The following MKLN1 variants were observed in gnomAD, a reference collection of about 807,000 sequenced individuals.
MKLN1 encodes muskelin.
In MKLN1, 18 loss-of-function variants were observed where a neutral mutation model predicts 99.0. The ratio of observed to expected loss-of-function variants is 0.18; its 90% CI spans 0.13 to 0.27. The LOEUF (loss-of-function observed/expected upper bound fraction) is 0.27, where lower values mean the gene tolerates loss of function less well. MKLN1 is among the 10% of genes least tolerant of loss of function. MKLN1 has a pLI of 1.00. For missense variants in MKLN1, 621 were observed against 875.9 expected (o/e 0.71, Z 3.67); for synonymous variants, 288 against 293.2 (o/e 0.98, Z 0.18).
chr7:131,207,508 T>C (rs1245129669), intron 3 of MKLN1, among the ~76,000 whole-genome samples: 1 of 152,216 alleles, frequency 6.6e-6, no homozygotes, highest in Non-Finnish European at 1.5e-5. Context: ...ATGTGTGTTA[T>C]TTATGGGCAG....
intron 1 of MKLN1, among the ~76,000 whole-genome samples, chr7:131,128,896 ATTTTTTTTT>A (rs59954758): frequency 3.3e-5 from 4 of 120,214 alleles, no homozygotes; most frequent in African/African-American, 1.0e-4. Context: ...CACCTCACCT[ATTTTTTTTT>A]TTTTTTTTTT....
chr7:131,364,545 G>A (rs1277404971), intron 1 of MKLN1, among the ~76,000 whole-genome samples: 1 of 151,762 alleles, frequency 6.6e-6, no homozygotes, highest in African/African-American at 2.4e-5. Flanking sequence ...ATGGGGGCTT[G>A]TTGTACAGAT....
intron 1 of MKLN1, among the ~76,000 whole-genome samples, chr7:131,367,294 C>T (rs1563313930): frequency 6.6e-6 from 1 of 152,174 alleles, no homozygotes. Context: ...CAGCCCAACT[C>T]TATTTTCAAT....
intron 3 of MKLN1, among the ~76,000 whole-genome samples, chr7:131,209,863 T>C (rs972395342): frequency 1.3e-5 from 2 of 152,110 alleles, no homozygotes; most frequent in African/African-American, 2.4e-5. Context: ...ATCGCAATAG[T>C]TGGACCTATG....
intron 1 of MKLN1, among the ~76,000 whole-genome samples, chr7:131,328,816 G>T (rs939455808): frequency 6.6e-6 from 1 of 152,166 alleles, no homozygotes; most frequent in African/African-American, 2.4e-5. Context: ...TGCATTGTTA[G>T]GTTTTTGTTG....
intron 3 of MKLN1, among the ~76,000 whole-genome samples, chr7:131,276,419 C>T (rs947158866): frequency 6.6e-6 from 1 of 152,174 alleles, no homozygotes; most frequent in Admixed American, 6.5e-5. Flanking sequence ...GATGGGAAAG[C>T]ACAGCAAGTG....
At chr7:131,116,578 A>T (rs899796751) in intron 1 of MKLN1, among the ~76,000 whole-genome samples, 12 of 152,052 alleles carry the variant, frequency 7.9e-5, no homozygotes, top group Non-Finnish European at 1.5e-5. Flanking sequence ...TTATTAGAAT[A>T]AAAAAATTGA....
At chr7:131,447,231 G>A (rs531145091) in intron 12 of MKLN1, among the ~76,000 whole-genome samples, 3 of 152,108 alleles carry the variant, frequency 2.0e-5, no homozygotes, top group Non-Finnish European at 2.9e-5. Flanking sequence ...GTCTAAAATA[G>A]CAGCTTAGCA....
rs1203011020 is a variant in MKLN1 at position 131,255,890 on chromosome 7, A to G, written c.-179+52916A>G. On this transcript the variant is annotated intron_variant, in intron 3 of 7. Transcript: ENST00000416992. ...GCCACTGTGCCCGACCTATTTATTT[A>G]TTTATTTATTTATTTATTTATTTAT... is the stretch of plus-strand genomic sequence containing the variant. Among the ~76,000 whole-genome samples, 12 of 137,010 alleles carry G rather than the reference A, an allele frequency of 8.8e-5. No individual in the cohort carries two copies. The Admixed American group carries it at 9.1e-4, about 10-fold the overall frequency. The allele number at this position is 137,010 out of a possible 152,430, so 89.9% of individuals were successfully genotyped here.
chr7:131,385,139 T>G (rs995287428), intron 2 of MKLN1, among the ~76,000 whole-genome samples: 20 of 152,216 alleles, frequency 1.3e-4, no homozygotes, highest in African/African-American at 3.9e-4. Flanking sequence ...GTATCTGACT[T>G]TTTTCACTTA....
At chr7:131,419,503 A>G (rs975645578) in intron 8 of MKLN1, among the ~76,000 whole-genome samples, 1 of 152,018 alleles carries the variant, frequency 6.6e-6, no homozygotes, top group African/African-American at 2.4e-5. Flanking sequence ...TGGCCTCCCA[A>G]AGTGCCAGGA....
chr7:131,281,209 C>G, intron 3 of MKLN1, among the ~76,000 whole-genome samples: 1 of 142,984 alleles, frequency 7.0e-6, no homozygotes, highest in South Asian at 2.2e-4. Context: ...TTGAGTTATT[C>G]TTTTTTTTTT....
chr7:131,220,662 C>T (rs1797047042), intron 3 of MKLN1, among the ~76,000 whole-genome samples: 2 of 152,122 alleles, frequency 1.3e-5, no homozygotes, highest in Admixed American at 6.6e-5. Context: ...GATGAAGCAG[C>T]TATTCGCTCA....
intron 1 of MKLN1, among the ~76,000 whole-genome samples, chr7:131,353,926 C>T (rs1262779816): frequency 7.0e-6 from 1 of 143,270 alleles, no homozygotes; most frequent in Non-Finnish European, 1.5e-5. Context: ...AAAAAAAAAC[C>T]AGTTGGGCAT....
chr7:131,295,709 C>A (rs1779230179), intron 3 of MKLN1, among the ~76,000 whole-genome samples: 1 of 151,870 alleles, frequency 6.6e-6, no homozygotes, highest in African/African-American at 2.4e-5. Flanking sequence ...CACAGCAAGA[C>A]CTCGTCTCTA....
At chr7:131,340,727 A>C (rs767170655) in intron 1 of MKLN1, among the ~76,000 whole-genome samples, 32 of 152,234 alleles carry the variant, frequency 2.1e-4, no homozygotes, top group Non-Finnish European at 4.1e-4. Context: ...TGAGTGAATT[A>C]ACTAGCCATT....
intron 3 of MKLN1, among the ~76,000 whole-genome samples, chr7:131,295,278 A>G (rs1434706266): frequency 6.6e-6 from 1 of 152,144 alleles, no homozygotes; most frequent in Admixed American, 6.6e-5. Context: ...AAGTGCTGGG[A>G]TTATGGGCAT....
At chr7:131,282,616 C>T (rs911139917) in intron 3 of MKLN1, among the ~76,000 whole-genome samples, 3 of 151,842 alleles carry the variant, frequency 2.0e-5, no homozygotes, top group Non-Finnish European at 4.4e-5. Context: ...GAAGGCTCAC[C>T]TCCTTCCCTT....
At chr7:131,184,984 G>C (rs1389267162) in intron 2 of MKLN1, among the ~76,000 whole-genome samples, 11 of 152,206 alleles carry the variant, frequency 7.2e-5, no homozygotes, top group African/African-American at 2.7e-4. Context: ...TCAGGAAAGA[G>C]TCAACACGGC....
Sources: gnomAD v4.1 joint callset for allele counts (sites outside exome capture counted in the v4.1 genomes callset) on GRCh38, gnomAD v4.1.1 for gene constraint, MANE v1.5 for transcripts, NCBI Gene and HGNC (gene_info 2026-07-23, HGNC 2026-07-21) for gene names.